Variants in CDH12 observed in about 807,000 individuals in gnomAD.
CDH12 encodes the protein cadherin-12.
In CDH12, 41 loss-of-function variants were observed where a neutral mutation model predicts 74.1. That is an observed-to-expected ratio of 0.55 (90% CI 0.43 to 0.72). The LOEUF is 0.72. Ranked by LOEUF, CDH12 falls within the 30% of genes least tolerant of loss-of-function variation. The pLI is 0.00. For synonymous variants in CDH12, 399 were observed against 355.0 expected (o/e 1.12, Z -1.39); for missense variants, 945 against 977.2 (o/e 0.97, Z 0.44).
intron 4 of CDH12, among the ~76,000 whole-genome samples, chr5:22,189,837 C>A (rs574382460): frequency 5.7e-4 from 37 of 64,844 alleles, no homozygotes; most frequent in Middle Eastern, 8.2e-3. Context: ...GCCTCAGAAG[C>A]ATTACCACAT....
intron 5 of CDH12, among the ~76,000 whole-genome samples, chr5:22,056,783 T>A (rs1476515564): frequency 6.6e-6 from 1 of 152,216 alleles, no homozygotes; most frequent in African/African-American, 2.4e-5. Flanking sequence ...ATCCCCATGA[T>A]AACCTTATGG....
intron 6 of CDH12, among the ~76,000 whole-genome samples, chr5:21,942,377 CACACACACACACAT>C (rs1755377082): frequency 2.8e-5 from 4 of 144,858 alleles, no homozygotes; most frequent in African/African-American, 1.1e-4. Context: ...CACACACACA[CACACACACACACAT>C]ATATATGTGT....
chr5:22,770,109 C>T (rs1178447829), intron 1 of CDH12, among the ~76,000 whole-genome samples: 1 of 151,104 alleles, frequency 6.6e-6, no homozygotes, highest in Non-Finnish European at 1.5e-5. Context: ...TCACATGTCC[C>T]CAGGCGTGAA....
At chr5:22,706,235 T>C (rs895762821) in intron 1 of CDH12, among the ~76,000 whole-genome samples, 3 of 152,110 alleles carry the variant, frequency 2.0e-5, no homozygotes, top group African/African-American at 7.2e-5. Flanking sequence ...TATTTTAATA[T>C]GTAGATAGAG....
intron 1 of CDH12, among the ~76,000 whole-genome samples, chr5:22,553,076 C>T (rs1738647549): frequency 6.6e-6 from 1 of 152,002 alleles, no homozygotes; most frequent in Non-Finnish European, 1.5e-5. Flanking sequence ...AACTCCTTGC[C>T]TAAATAAACA....
intron 2 of CDH12, among the ~76,000 whole-genome samples, chr5:22,501,703 A>T (rs1425024314): frequency 1.3e-5 from 2 of 152,032 alleles, no homozygotes; most frequent in East Asian, 3.9e-4. Flanking sequence ...TCACATGAAC[A>T]AAATTTACCA....
At chr5:22,512,748 G>A (rs1736663583) in intron 1 of CDH12, among the ~76,000 whole-genome samples, 1 of 152,172 alleles carries the variant, frequency 6.6e-6, no homozygotes, top group Admixed American at 6.5e-5. Flanking sequence ...GCTGCTAAAT[G>A]TGTGAGATGT....
At chr5:22,618,214 A>G (rs1253176533) in intron 1 of CDH12, among the ~76,000 whole-genome samples, 3 of 152,150 alleles carry the variant, frequency 2.0e-5, no homozygotes, top group Non-Finnish European at 4.4e-5. Flanking sequence ...TCCAGGACAC[A>G]CATGAATCCA....
intron 2 of CDH12, among the ~76,000 whole-genome samples, chr5:22,471,562 A>G (rs1745959979): frequency 6.6e-6 from 1 of 152,196 alleles, no homozygotes; most frequent in Non-Finnish European, 1.5e-5. Flanking sequence ...ACATTTGATA[A>G]AACTTCCATG....
chr5:22,500,882 C>A (rs1348879159), intron 2 of CDH12, among the ~76,000 whole-genome samples: 1 of 152,002 alleles, frequency 6.6e-6, no homozygotes, highest in African/African-American at 2.4e-5. Flanking sequence ...GTCCCATAGA[C>A]CATAACCAAG....
intron 2 of CDH12, among the ~76,000 whole-genome samples, chr5:22,475,192 C>T (rs937369388): frequency 1.3e-4 from 19 of 151,502 alleles, no homozygotes; most frequent in Admixed American, 8.6e-4. Flanking sequence ...AAATGGATGG[C>T]CCCAAAATGC....
At chr5:22,607,516 T>C (rs1223485303) in intron 1 of CDH12, among the ~76,000 whole-genome samples, 1 of 152,204 alleles carries the variant, frequency 6.6e-6, no homozygotes, top group Non-Finnish European at 1.5e-5. Flanking sequence ...CATCAGATTG[T>C]CTGAAACTTA....
rs186182808 is a variant in CDH12 at position 22,444,748 on chromosome 5, G to A, written c.-427-39397C>T. ...CACATTACTGAAAATAAATTATATG[G>A]AGGAATATTTCAGATGATGATTAAC... On this transcript the variant is annotated intron_variant, in intron 2 of 14. Coordinates refer to ENST00000382254, the MANE Select transcript of CDH12 (RefSeq NM_004061.5). Among the ~76,000 whole-genome samples the A allele has an allele frequency of 4.2e-3, 632 of 151,984 alleles. 4 individuals are homozygous for A. The highest frequency in any genetic ancestry group is 0.014 in the African/African-American group (599 of 41,524).
intron 6 of CDH12, among the ~76,000 whole-genome samples, chr5:21,954,950 T>C (rs1312519123): frequency 1.3e-5 from 2 of 152,070 alleles, no homozygotes; most frequent in African/African-American, 4.8e-5. Context: ...TTTAATTTGT[T>C]TGGAAGAAGC....
chr5:22,281,278 G>T (rs1043228672), intron 3 of CDH12, among the ~76,000 whole-genome samples: 2 of 151,972 alleles, frequency 1.3e-5, no homozygotes, highest in African/African-American at 4.8e-5. Context: ...ATACTGAATG[G>T]GCAACACCTG....
chr5:22,529,563 C>T (rs1047601008), intron 1 of CDH12, among the ~76,000 whole-genome samples: 5 of 152,090 alleles, frequency 3.3e-5, no homozygotes, highest in African/African-American at 1.2e-4. Context: ...GGATGAGGCC[C>T]ACTCACATTA....
At chr5:22,716,416 G>C (rs1047194535) in intron 1 of CDH12, among the ~76,000 whole-genome samples, 1 of 130,102 alleles carries the variant, frequency 7.7e-6, no homozygotes, top group Non-Finnish European at 1.7e-5. Flanking sequence ...ATAACTTGCT[G>C]CAACGTACTA....
At chr5:21,896,621 T>C (rs920546767) in intron 6 of CDH12, among the ~76,000 whole-genome samples, 3 of 152,078 alleles carry the variant, frequency 2.0e-5, no homozygotes, top group African/African-American at 7.2e-5. Context: ...ACCTAATCGA[T>C]GTATAAACAA....
intron 1 of CDH12, among the ~76,000 whole-genome samples, chr5:22,721,376 A>G (rs900023777): frequency 2.6e-5 from 4 of 152,220 alleles, no homozygotes; most frequent in Non-Finnish European, 5.9e-5. Flanking sequence ...TCGGATTTGC[A>G]TGGGGCTTAT....
Sources: allele counts gnomAD v4.1 joint callset (sites outside exome capture counted in the v4.1 genomes callset), GRCh38; gene constraint gnomAD v4.1.1; transcripts MANE v1.5; gene names NCBI Gene and HGNC (gene_info 2026-07-23, HGNC 2026-07-21).